Variants in CLYBL observed in about 807,000 individuals in gnomAD.
CLYBL encodes the protein citramalyl-CoA lyase, mitochondrial.
A neutral mutation model predicts 38.9 loss-of-function variants in CLYBL; 31 were observed. That is an observed-to-expected ratio of 0.80 (90% CI 0.60 to 1.08). The LOEUF (loss-of-function observed/expected upper bound fraction) is 1.08. Among genes scored for constraint, CLYBL ranks in the 50% least tolerant of loss-of-function variants. The pLI, the probability that CLYBL is intolerant of heterozygous loss-of-function variation, is 0.00. For missense variants in CLYBL, 434 were observed against 411.6 expected, an observed-to-expected ratio of 1.05 and a Z score of -0.47; for synonymous variants, 171 against 158.6, an observed-to-expected ratio of 1.08 and a Z score of -0.59.
At chr13:99,817,272 AAGG>A (rs1420531411) in intron 2 of CLYBL, among the ~76,000 whole-genome samples, 1 of 152,072 alleles carries the variant, frequency 6.6e-6, no homozygotes, top group Non-Finnish European at 1.5e-5. Context: ...GAGAGAGAGA[AAGG>A]AGAGGAAAGG....
intron 1 of CLYBL, among the ~76,000 whole-genome samples, chr13:99,712,457 C>T (rs2048250365): frequency 6.6e-6 from 1 of 151,796 alleles, no homozygotes; most frequent in African/African-American, 2.4e-5. Flanking sequence ...GCCTCAGCCT[C>T]CCAAGTAGCT....
chr13:99,854,861 C>G (rs1013644970), intron 2 of CLYBL, among the ~76,000 whole-genome samples: 1 of 152,168 alleles, frequency 6.6e-6, no homozygotes, highest in Non-Finnish European at 1.5e-5. Flanking sequence ...CTGGCCCAGA[C>G]AGAGTCACCT....
At chr13:99,714,484 G>T (rs895405189) in intron 1 of CLYBL, among the ~76,000 whole-genome samples, 3 of 151,534 alleles carry the variant, frequency 2.0e-5, no homozygotes, top group Non-Finnish European at 4.4e-5. Flanking sequence ...TGGTGTGGTG[G>T]CACACGCCTG....
intron 2 of CLYBL, among the ~76,000 whole-genome samples, chr13:99,798,327 A>G (rs2050063606): frequency 1.3e-5 from 2 of 152,202 alleles, no homozygotes; most frequent in South Asian, 4.1e-4. Context: ...TCTTTGGCCC[A>G]TGGGATCATG....
chr13:99,865,647 G>T lies in CLYBL; in HGVS notation c.635-593G>T, dbSNP rs1412440635. ...GAAAAAACTGAATTTATTTGAATAC[G>T]AGTCTTTCCAGGAGACTTGTGTATC... On this transcript the variant is annotated intron_variant, in intron 5 of 8. Coordinates refer to ENST00000339105, the MANE Select transcript of CLYBL (RefSeq NM_206808.5). The surrounding 1 kb of genome is among the most constrained non-coding windows in gnomAD (Gnocchi z 4.7). Among the ~76,000 whole-genome samples, 1 of 152,148 alleles carries T rather than the reference G, an allele frequency of 6.6e-6. No homozygotes were observed. Among genetic ancestry groups the T allele is most frequent in the Non-Finnish European group, 1.5e-5 (1 of 68,038 alleles).
At chr13:99,753,557 G>A (rs2048996269) in intron 1 of CLYBL, among the ~76,000 whole-genome samples, 1 of 152,160 alleles carries the variant, frequency 6.6e-6, no homozygotes, top group Admixed American at 6.5e-5. Context: ...TGGAATGCAT[G>A]GAATACCTGA....
intron 1 of CLYBL, among the ~76,000 whole-genome samples, chr13:99,739,384 G>T (rs1315703896): frequency 6.6e-6 from 1 of 152,142 alleles, no homozygotes; most frequent in African/African-American, 2.4e-5. Context: ...CTCTGGCCAG[G>T]CTCAAAAATG....
chr13:99,902,007 G>A (rs2052649693), downstream of CLYBL, among the ~76,000 whole-genome samples: 1 of 152,196 alleles, frequency 6.6e-6, no homozygotes, highest in Non-Finnish European at 1.5e-5. Flanking sequence ...TAAGTCATAA[G>A]GAAGATGATG....
intron 1 of CLYBL, among the ~76,000 whole-genome samples, chr13:99,659,735 A>T (rs557221057): frequency 6.6e-6 from 1 of 152,328 alleles, no homozygotes; most frequent in Non-Finnish European, 1.5e-5. Flanking sequence ...CATAAGGTAG[A>T]TGATATTTTA....
At chr13:99,761,325 C>T (rs1218895299) in intron 1 of CLYBL, among the ~76,000 whole-genome samples, 1 of 152,186 alleles carries the variant, frequency 6.6e-6, no homozygotes, top group Non-Finnish European at 1.5e-5. Context: ...TCCACTCCAG[C>T]CTAGGCGACA....
intron 1 of CLYBL, among the ~76,000 whole-genome samples, chr13:99,625,926 G>A (rs1230210971): frequency 6.6e-6 from 1 of 152,196 alleles, no homozygotes; most frequent in African/African-American, 2.4e-5. Flanking sequence ...CATCTCACGT[G>A]AGATACGGGC....
chr13:99,832,769 G>A (rs1262967246), intron 2 of CLYBL, among the ~76,000 whole-genome samples: 5 of 150,818 alleles, frequency 3.3e-5, no homozygotes, highest in African/African-American at 1.2e-4. Flanking sequence ...GAAAACATCA[G>A]TAATGGATCC....
At chr13:99,836,788 A>C (rs567225230) in intron 2 of CLYBL, among the ~76,000 whole-genome samples, 4 of 152,214 alleles carry the variant, frequency 2.6e-5, no homozygotes, top group South Asian at 4.2e-4. Flanking sequence ...CTGTAAAAGG[A>C]GAGTTGGAAC....
At chr13:99,651,032 C>G (rs555167454) in intron 1 of CLYBL, among the ~76,000 whole-genome samples, 1 of 152,300 alleles carries the variant, frequency 6.6e-6, no homozygotes, top group South Asian at 2.1e-4. Context: ...CTACAGAGCC[C>G]TCCTCTCATC....
intron 2 of CLYBL, 49 bp from the exon 3 acceptor site, chr13:99,858,812 T>G: frequency 7.5e-7 from 1 of 1,329,002 alleles, no homozygotes; most frequent in South Asian, 1.4e-5. Context: ...TTGATGGTGC[T>G]CCCCTCAATG....
At chr13:99,909,147 A>C (rs1412271356) in exon 10 of CLYBL, among the ~76,000 whole-genome samples, 1 of 152,250 alleles carries the variant, frequency 6.6e-6, no homozygotes, top group Non-Finnish European at 1.5e-5. Context: ...AGAAGGCACA[A>C]CACCATATGG....
chr13:99,627,840 C>T (rs114097297), intron 1 of CLYBL, among the ~76,000 whole-genome samples: 1 of 152,154 alleles, frequency 6.6e-6, no homozygotes, highest in African/African-American at 2.4e-5. Context: ...ACGTATTTAG[C>T]CTGCCATAAG....
chr13:99,623,352 A>G (rs9554618), intron 1 of CLYBL, among the ~76,000 whole-genome samples: 38,937 of 152,070 alleles, frequency 0.26, 6,147 homozygotes, highest in East Asian at 0.58. Context: ...TTAAATGTAC[A>G]AATTGTCTAA....
intron 1 of CLYBL, among the ~76,000 whole-genome samples, chr13:99,671,650 C>T (rs965711410): frequency 3.3e-5 from 5 of 151,838 alleles, no homozygotes; most frequent in Non-Finnish European, 5.9e-5. Flanking sequence ...TGTGATGGTG[C>T]GTGCCTGTAA....
Sources: allele counts gnomAD v4.1 joint callset (sites outside exome capture counted in the v4.1 genomes callset), GRCh38; gene constraint gnomAD v4.1.1; non-coding constraint Gnocchi (gnomAD v3.1); transcripts MANE v1.5; gene names NCBI Gene and HGNC (gene_info 2026-07-23, HGNC 2026-07-21).